PFDN2: variants seen among roughly 807,000 people sequenced by gnomAD.
PFDN2 encodes prefoldin subunit 2, also known as prefoldin 2.
In PFDN2, 7 loss-of-function variants were observed where a neutral mutation model predicts 18.3. The observed-to-expected ratio is 0.38, with a 90% confidence interval of 0.22 to 0.72. The LOEUF (loss-of-function observed/expected upper bound fraction) is 0.72, where lower values mean the gene tolerates loss of function less well. Among genes scored for constraint, PFDN2 ranks in the 30% least tolerant of loss-of-function variants. The probability of loss-of-function intolerance (pLI) is 0.47; values close to 1 mark genes in which losing one functional copy is unlikely to be tolerated. For missense variants in PFDN2, 181 were observed against 199.1 expected (o/e 0.91, Z 0.55); for synonymous variants, 76 against 75.0 (o/e 1.01, Z -0.07).
intron 1 of PFDN2, among the ~76,000 whole-genome samples, chr1:161,113,614 C>T (rs1654851099): frequency 6.6e-6 from 1 of 152,174 alleles, no homozygotes; most frequent in South Asian, 2.1e-4. Context: ...AACTCCATCT[C>T]TACAAGAAAT....
At chr1:161,101,743 G>A (rs994684936) in intron 3 of PFDN2, among the ~76,000 whole-genome samples, 6 of 152,056 alleles carry the variant, frequency 3.9e-5, no homozygotes, top group Non-Finnish European at 8.8e-5. Context: ...AATGAGCATA[G>A]GCTATTTTAT....
At chr1:161,102,225 A>G in intron 2 of PFDN2, 54 bp from the exon 3 acceptor site, 1 of 1,613,338 alleles carries the variant, frequency 6.2e-7, no homozygotes, top group Non-Finnish European at 8.5e-7. Context: ...TCTACTACAA[A>G]TCCCCCTCAC....
At chr1:161,111,644 C>T (rs530722610) in intron 1 of PFDN2, among the ~76,000 whole-genome samples, 8 of 152,094 alleles carry the variant, frequency 5.3e-5, no homozygotes, top group Admixed American at 3.3e-4. Flanking sequence ...GTCAAGTGCC[C>T]GATACAATGT....
chr1:161,116,201 C>T (rs914191354), intron 1 of PFDN2, among the ~76,000 whole-genome samples: 6 of 152,010 alleles, frequency 3.9e-5, no homozygotes, highest in Non-Finnish European at 8.8e-5. Context: ...TTGCACTCAG[C>T]CTGAGCAACG....
chr1:161,100,747 G>A lies in PFDN2; in HGVS notation c.401C>T (p.Ala134Val). ...IRLMGEDEKP[A>V]AKENSEGAGA... ...AGCCCCTTCTGAGTTTTCCTTGGCT[G>A]CTGGCTTCTCATCTTCTCCCATGAG... The change falls in exon 4 of 4, where the codon GCA (alanine) becomes GTA (valine). Residue 134 changes from alanine to valine, a missense_variant. Coordinates refer to ENST00000368010, the MANE Select transcript of PFDN2 (RefSeq NM_012394.4). The A allele has an allele frequency of 6.2e-7, 1 of 1,613,976 alleles. No homozygotes were observed. The highest frequency in any genetic ancestry group is 2.2e-5 in the East Asian group (1 of 44,904).
At chr1:161,113,652 A>G (rs1484885657) in intron 1 of PFDN2, among the ~76,000 whole-genome samples, 1 of 152,116 alleles carries the variant, frequency 6.6e-6, no homozygotes, top group Admixed American at 6.5e-5. Context: ...AGGGTGGCAC[A>G]CGCATGTAGT....
At chr1:161,107,982 G>A (rs533130277) in intron 1 of PFDN2, among the ~76,000 whole-genome samples, 2 of 151,524 alleles carry the variant, frequency 1.3e-5, no homozygotes, top group Non-Finnish European at 2.9e-5. Context: ...GGATGTGGTG[G>A]CGTGTGCCTG....
At chr1:161,108,114 C>CA (rs762075662) in intron 1 of PFDN2, among the ~76,000 whole-genome samples, 10,915 of 68,918 alleles carry the variant, frequency 0.16, 568 homozygotes, top group South Asian at 0.21. Context: ...GACTCTGTCT[C>CA]AAAAAAAAAA....
intron 3 of PFDN2, 61 bp downstream of exon 3, chr1:161,101,987 C>T (rs1033463370): frequency 3.8e-6 from 6 of 1,589,560 alleles, no homozygotes; most frequent in African/African-American, 2.7e-5. Flanking sequence ...CCTGCCTTGG[C>T]CTCCCAAAGT....
At chr1:161,102,474 G>A in intron 1 of PFDN2, 99 bp from the exon 2 acceptor site, 3 of 822,180 alleles carry the variant, frequency 3.6e-6, no homozygotes, top group Non-Finnish European at 6.0e-6. Context: ...TGCAGTAGTG[G>A]GCACCTACCT....
In PFDN2 at chr1:161,116,263, C is replaced by T. The variant is rs373010056; in HGVS notation, c.75+1689G>A. Among the ~76,000 whole-genome samples, 35 of 152,256 alleles carry T rather than the reference C, an allele frequency of 2.3e-4. No homozygotes were observed. In the East Asian group the frequency reaches 6.4e-3, roughly 28 times the overall value. ...AAGTACTGTGGCTCATGCCTGTAAT[C>T]CCACCACTCTGGGAGGCCAAGGCAG... On this transcript the variant is annotated intron_variant, in intron 1 of 3. Transcript: ENST00000368010.
chr1:161,101,380 T>C (rs1571180386), intron 3 of PFDN2, among the ~76,000 whole-genome samples: 1 of 151,988 alleles, frequency 6.6e-6, no homozygotes, highest in South Asian at 2.1e-4. Context: ...TTCGTATTCT[T>C]AGTAGAGATG....
intron 1 of PFDN2, among the ~76,000 whole-genome samples, chr1:161,113,268 G>A (rs1327116011): frequency 6.6e-6 from 1 of 152,022 alleles, no homozygotes; most frequent in Non-Finnish European, 1.5e-5. Context: ...ACTGCTACCT[G>A]TTCAAATCCA....
intron 1 of PFDN2, 91 bp downstream of exon 1, chr1:161,117,861 G>C (rs1655010158): frequency 8.8e-7 from 1 of 1,139,468 alleles, no homozygotes; most frequent in African/African-American, 1.6e-5. Context: ...TGTGGTGCTG[G>C]AGTAAAGGCC....
chr1:161,116,706 T>C (rs1231976767), intron 1 of PFDN2, among the ~76,000 whole-genome samples: 2 of 149,288 alleles, frequency 1.3e-5, no homozygotes, highest in Non-Finnish European at 3.0e-5. Context: ...AAATCCTGCC[T>C]CTACAAAAAT....
At chr1:161,105,262 C>T (rs1317861712) in intron 1 of PFDN2, among the ~76,000 whole-genome samples, 1 of 151,996 alleles carries the variant, frequency 6.6e-6, no homozygotes, top group Non-Finnish European at 1.5e-5. Flanking sequence ...AGACATGTGC[C>T]ACCACGCAAT....
chr1:161,101,239 G>T (rs1019280409), intron 3 of PFDN2, among the ~76,000 whole-genome samples: 1 of 149,918 alleles, frequency 6.7e-6, no homozygotes, highest in Non-Finnish European at 1.5e-5. Flanking sequence ...TCGCTGTGTC[G>T]CCCAGGCTGG....
At chr1:161,108,451 C>A (rs1654731762) in intron 1 of PFDN2, among the ~76,000 whole-genome samples, 1 of 114,978 alleles carries the variant, frequency 8.7e-6, no homozygotes, top group African/African-American at 3.5e-5. Context: ...GACCGAAACT[C>A]CGTCTCAAAA....
intron 1 of PFDN2, among the ~76,000 whole-genome samples, chr1:161,107,144 G>C (rs979608585): frequency 1.3e-5 from 2 of 152,146 alleles, no homozygotes; most frequent in African/African-American, 2.4e-5. Flanking sequence ...GCTTAACTAG[G>C]GCCGGGCATG....
Sources: gnomAD v4.1 joint callset for allele counts (sites outside exome capture counted in the v4.1 genomes callset) on GRCh38, gnomAD v4.1.1 for gene constraint, MANE v1.5 for transcripts, NCBI Gene and HGNC (gene_info 2026-07-23, HGNC 2026-07-21) for gene names.